Variants in MCC observed in about 807,000 individuals in gnomAD.
MCC encodes colorectal mutant cancer protein.
MCC carries 90 observed loss-of-function variants against 116.2 expected under a neutral mutation model. That is an observed-to-expected ratio of 0.77 (90% CI 0.65 to 0.92). The LOEUF is 0.92. Ranked by LOEUF, MCC falls within the 40% of genes least tolerant of loss-of-function variation. MCC has a pLI of 0.00. For missense variants in MCC, 1,516 were observed against 1,312.2 expected (o/e 1.16, Z -2.40); for synonymous variants, 578 against 510.5 (o/e 1.13, Z -1.78).
chr5:113,043,174 GA>G (rs1177578589), intron 17 of MCC, among the ~76,000 whole-genome samples: 1 of 152,222 alleles, frequency 6.6e-6, no homozygotes, highest in Non-Finnish European at 1.5e-5. Flanking sequence ...AACGCTGAAG[GA>G]AAGTATTCCT....
Position 113,096,416 on chromosome 5 carries a change from A to C in MCC, c.1398+5323T>G, listed in dbSNP as rs532781198. Among the ~76,000 whole-genome samples, 30 of 152,328 alleles carry C rather than the reference A, an allele frequency of 2.0e-4. 1 individual carries two copies. The highest frequency in any genetic ancestry group is 6.7e-4 in the African/African-American group (28 of 41,558). Reference sequence around the variant, plus strand: ...CACACATCCTCTCAAAGAGCTTCCCAGTGATTCTGACACACACGTGTGGGG... The same window carrying C: ...CACACATCCTCTCAAAGAGCTTCCCCGTGATTCTGACACACACGTGTGGGG... On this transcript the variant is annotated intron_variant, in intron 8 of 18. Transcript: ENST00000408903.
At chr5:113,204,527 A>G (rs1762826521) in intron 3 of MCC, 1 of 152,252 alleles carries the variant, frequency 6.6e-6, no homozygotes, top group African/African-American at 2.4e-5. Flanking sequence ...TGCTCATTTC[A>G]TCAAGTCTCT....
chr5:113,444,329 G>T (rs541663132), intron 1 of MCC, among the ~76,000 whole-genome samples: 1 of 152,240 alleles, frequency 6.6e-6, no homozygotes, highest in South Asian at 2.1e-4. Flanking sequence ...GGGATAAGAA[G>T]AGACAGATAC....
chr5:113,183,334 T>C (rs1446925579), intron 3 of MCC, among the ~76,000 whole-genome samples: 1 of 152,228 alleles, frequency 6.6e-6, no homozygotes, highest in African/African-American at 2.4e-5. Flanking sequence ...CTCTAAATTT[T>C]AGCTTTTTCA....
chr5:113,374,609 G>A (rs536908998), intron 2 of MCC, among the ~76,000 whole-genome samples: 221 of 152,108 alleles, frequency 1.5e-3, no homozygotes, highest in Non-Finnish European at 2.6e-3. Context: ...TTAATTCTAC[G>A]CCATATTTGT....
chr5:113,408,280 TCA>T (rs1317987855), intron 1 of MCC, among the ~76,000 whole-genome samples: 1 of 152,188 alleles, frequency 6.6e-6, no homozygotes, highest in African/African-American at 2.4e-5. Context: ...GCCCTGTGTC[TCA>T]GTTTTCCTGA....
At chr5:113,339,041 T>C (rs1444383580) in intron 3 of MCC, among the ~76,000 whole-genome samples, 1 of 143,222 alleles carries the variant, frequency 7.0e-6, no homozygotes, top group Non-Finnish European at 1.5e-5. Context: ...GCCAACATGG[T>C]GAAAACCCTG....
chr5:113,341,167 C>T (rs528205417), intron 2 of MCC, among the ~76,000 whole-genome samples: 21 of 149,780 alleles, frequency 1.4e-4, no homozygotes, highest in South Asian at 1.2e-3. Context: ...TCTTTTTCTC[C>T]TTCCTTCCTT....
chr5:113,327,028 A>G (rs1254667192), intron 3 of MCC, among the ~76,000 whole-genome samples: 1 of 152,224 alleles, frequency 6.6e-6, no homozygotes, highest in South Asian at 2.1e-4. Context: ...ATTTCAACAT[A>G]TAATATTAGG....
At chr5:113,161,383 T>C (rs908474265) in intron 3 of MCC, among the ~76,000 whole-genome samples, 2 of 152,228 alleles carry the variant, frequency 1.3e-5, no homozygotes, top group East Asian at 3.8e-4. Context: ...AAAAGGGTTC[T>C]CTGACAAGGT....
chr5:113,250,996 T>C (rs1360152679), intron 3 of MCC, among the ~76,000 whole-genome samples: 1 of 152,242 alleles, frequency 6.6e-6, no homozygotes, highest in African/African-American at 2.4e-5. Context: ...ACCTTTTCCT[T>C]ACTGACTTAA....
chr5:113,134,684 G>A (rs1487692120), intron 5 of MCC, among the ~76,000 whole-genome samples: 1 of 148,042 alleles, frequency 6.8e-6, no homozygotes, highest in Non-Finnish European at 1.5e-5. Context: ...ACTTTGGGTA[G>A]TATTAACATT....
chr5:113,116,696 C>A (rs1319995667), intron 6 of MCC, among the ~76,000 whole-genome samples: 2 of 152,128 alleles, frequency 1.3e-5, no homozygotes, highest in African/African-American at 4.8e-5. Context: ...TGAAGTAGAA[C>A]AATAACCTTT....
At chr5:113,204,184 C>T (rs1762811921) in intron 3 of MCC, among the ~76,000 whole-genome samples, 1 of 152,194 alleles carries the variant, frequency 6.6e-6, no homozygotes, top group African/African-American at 2.4e-5. Context: ...AGAACCGTTT[C>T]ATCAGCATTA....
At chr5:113,033,237 G>A (rs1397443046) in intron 17 of MCC, among the ~76,000 whole-genome samples, 1 of 152,178 alleles carries the variant, frequency 6.6e-6, no homozygotes, top group Non-Finnish European at 1.5e-5. Flanking sequence ...TTTAACAAGG[G>A]CCCCAGCTGA....
chr5:113,339,171 A>T (rs1392642238), intron 3 of MCC, among the ~76,000 whole-genome samples: 1 of 151,776 alleles, frequency 6.6e-6, no homozygotes, highest in Non-Finnish European at 1.5e-5. Flanking sequence ...GGTTGCAGTG[A>T]GCCAAGACTG....
Position 113,025,079 on chromosome 5 carries a change from C to G in MCC, c.*2223G>C, listed in dbSNP as rs1750440184. 2 of 151,868 alleles carry G rather than the reference C, an allele frequency of 1.3e-5. No homozygotes were observed. Among genetic ancestry groups the G allele is most frequent in the Admixed American group, 6.6e-5 (1 of 15,242 alleles). The allele number at this position is 151,868 out of a possible 1,614,324, so 9.4% of individuals were successfully genotyped here. A position where few individuals can be genotyped will look rare whatever the true frequency, so the allele number is the denominator to read the frequency against. ...CTGGAGCAAGAATGGAGACAGAAGT[C>G]AGTAGGCAGGATTTTATTCCTGCTT... On this transcript the variant is annotated 3_prime_UTR_variant, in exon 19 of 19. Transcript: ENST00000408903.
chr5:113,028,319 T>C (rs908347041), intron 18 of MCC, among the ~76,000 whole-genome samples: 4 of 152,376 alleles, frequency 2.6e-5, no homozygotes, highest in South Asian at 2.1e-4. Flanking sequence ...ATTTGCAGAA[T>C]TGTAAGACCA....
chr5:113,221,425 GA>G, intron 3 of MCC, among the ~76,000 whole-genome samples: 1 of 152,182 alleles, frequency 6.6e-6, no homozygotes, highest in Non-Finnish European at 1.5e-5. Flanking sequence ...TTGAAACGAA[GA>G]TGATAACAGC....
Sources: allele counts gnomAD v4.1 joint callset (sites outside exome capture counted in the v4.1 genomes callset), GRCh38; gene constraint gnomAD v4.1.1; transcripts MANE v1.5; gene names NCBI Gene and HGNC (gene_info 2026-07-23, HGNC 2026-07-21).